XKR4: variants seen among roughly 807,000 people sequenced by gnomAD.
XKR4 encodes XK related 4, also known as XK-related protein 4.
Under a neutral mutation model 53.9 loss-of-function variants are expected in XKR4, and 12 were observed. The ratio of observed to expected loss-of-function variants is 0.22; its 90% CI spans 0.14 to 0.36. XKR4 has a LOEUF of 0.36. Ranked by LOEUF, XKR4 falls within the 10% of genes least tolerant of loss-of-function variation. XKR4 has a pLI of 1.00. For missense variants in XKR4, 799 were observed against 859.5 expected, an observed-to-expected ratio of 0.93 and a Z score of 0.88; for synonymous variants, 354 against 362.4, an observed-to-expected ratio of 0.98 and a Z score of 0.26.
At chr8:55,244,336 C>A (rs765293758) in intron 1 of XKR4, among the ~76,000 whole-genome samples, 1 of 152,136 alleles carries the variant, frequency 6.6e-6, no homozygotes. Context: ...TCTGTTACTG[C>A]GTTAGTTCAC....
At chr8:55,219,743 A>G (rs1433548594) in intron 1 of XKR4, among the ~76,000 whole-genome samples, 2 of 152,170 alleles carry the variant, frequency 1.3e-5, no homozygotes, top group African/African-American at 4.8e-5. Flanking sequence ...AAGCTATTGT[A>G]TAGATGTTTG....
intron 1 of XKR4, among the ~76,000 whole-genome samples, chr8:55,274,796 CT>C (rs1818741878): frequency 6.6e-6 from 1 of 152,084 alleles, no homozygotes; most frequent in Non-Finnish European, 1.5e-5. Context: ...ACTTAATCAC[CT>C]CTTCAGAGGC....
chr8:55,534,799 C>T lies in XKR4; in HGVS notation c.*10572C>T, dbSNP rs10504196. ...TTTTTTCAAAGAAAGATTTGAGCTA[C>T]GAGATAAGAATGAAGTTACCAGAAG... is the stretch of plus-strand genomic sequence containing the variant. On this transcript the variant is annotated 3_prime_UTR_variant, in exon 3 of 3. Coordinates refer to ENST00000327381, the MANE Select transcript of XKR4 (RefSeq NM_052898.2). 0.22 allele frequency: 31,927 copies of T among 148,428 alleles called. 4,067 individuals carry two copies. The highest frequency in any genetic ancestry group is 0.31 in the South Asian group (1,455 of 4,684). 9.2% of individuals were successfully genotyped at this position (148,428 alleles called of 1,614,324 possible).
intron 1 of XKR4, among the ~76,000 whole-genome samples, chr8:55,141,246 C>T (rs991580063): frequency 6.6e-6 from 1 of 152,156 alleles, no homozygotes; most frequent in African/African-American, 2.4e-5. Flanking sequence ...GCCTGGCTGT[C>T]GCAGGACCGC....
chr8:55,259,742 C>T (rs1289508067), intron 1 of XKR4, among the ~76,000 whole-genome samples: 1 of 152,054 alleles, frequency 6.6e-6, no homozygotes. Context: ...AGTGGAGAAC[C>T]GAAAGGCTTA....
intron 1 of XKR4, among the ~76,000 whole-genome samples, chr8:55,187,186 A>G (rs1817389766): frequency 6.6e-6 from 1 of 151,774 alleles, no homozygotes; most frequent in Admixed American, 6.6e-5. Context: ...CATGAATTTG[A>G]ATCACTTGCT....
intron 1 of XKR4, among the ~76,000 whole-genome samples, chr8:55,230,092 G>A (rs4302824): frequency 0.76 from 116,109 of 152,022 alleles, 47,535 homozygotes; most frequent in Non-Finnish European, 0.92. Flanking sequence ...TCTTCCCACT[G>A]AAGTTGATAC....
chr8:55,348,023 G>C (rs1339809902), intron 1 of XKR4, among the ~76,000 whole-genome samples: 1 of 152,046 alleles, frequency 6.6e-6, no homozygotes, highest in Non-Finnish European at 1.5e-5. Flanking sequence ...CTAGCCCCCA[G>C]CCTGGATTCC....
At chr8:55,154,109 T>C (rs1816875111) in intron 1 of XKR4, among the ~76,000 whole-genome samples, 3 of 152,218 alleles carry the variant, frequency 2.0e-5, no homozygotes, top group African/African-American at 7.2e-5. Context: ...GAAGATTGAA[T>C]TCCTCTCCCT....
In XKR4 at chr8:55,536,198, A is replaced by G. The variant is rs1807030315; in HGVS notation, c.*11971A>G. On this transcript the variant is annotated 3_prime_UTR_variant, in exon 3 of 3. Coordinates refer to ENST00000327381, the MANE Select transcript of XKR4 (RefSeq NM_052898.2). ...CTGTGTATCTGTTCCCAAACTGGAA[A>G]AAATAATTCTTGAGAGAATAATTTT... 2 of 152,238 alleles carry G rather than the reference A, an allele frequency of 1.3e-5. No homozygotes were observed. The highest frequency in any genetic ancestry group is 4.8e-5 in the African/African-American group (2 of 41,470). 9.4% of individuals were successfully genotyped at this position (152,238 alleles called of 1,614,324 possible).
At chr8:55,451,730 G>A (rs1343947375) in intron 2 of XKR4, 2 of 1,240,872 alleles carry the variant, frequency 1.6e-6, no homozygotes, top group African/African-American at 1.5e-5. Flanking sequence ...AGAGAAATGC[G>A]GAAGGATTCA....
Position 55,391,761 on chromosome 8 carries a change from A to G in XKR4, c.1006+33884A>G, listed in dbSNP as rs1804446026. Among the ~76,000 whole-genome samples the G allele has an allele frequency of 2.6e-5, 4 of 152,230 alleles. No individual in the cohort carries two copies. The South Asian group carries it at 8.3e-4, about 31-fold the overall frequency. On this transcript the variant is annotated intron_variant, in intron 2 of 2. Transcript: ENST00000327381. ...CTATACCTAAAATATTAAAATAAGC[A>G]TATGAATTTATCTATAGGCCAAGTT...
chr8:55,312,884 C>T (rs1354821284), intron 1 of XKR4, among the ~76,000 whole-genome samples: 1 of 152,036 alleles, frequency 6.6e-6, no homozygotes, highest in Non-Finnish European at 1.5e-5. Flanking sequence ...GAGACTGGAC[C>T]CAGGTTGTTG....
At chr8:55,458,557 G>T (rs986005947) in intron 2 of XKR4, among the ~76,000 whole-genome samples, 1 of 152,226 alleles carries the variant, frequency 6.6e-6, no homozygotes, top group African/African-American at 2.4e-5. Flanking sequence ...GAGTCAGGTT[G>T]CATGAATGAA....
intron 2 of XKR4, among the ~76,000 whole-genome samples, chr8:55,423,566 A>C (rs903319882): frequency 6.6e-6 from 1 of 152,140 alleles, no homozygotes; most frequent in Non-Finnish European, 1.5e-5. Flanking sequence ...TTTTCACATC[A>C]CTTTCTTTGG....
intron 1 of XKR4, among the ~76,000 whole-genome samples, chr8:55,203,655 C>T (rs1056864311): frequency 1.3e-5 from 2 of 152,102 alleles, no homozygotes; most frequent in African/African-American, 4.8e-5. Flanking sequence ...CCTGACTCAG[C>T]ACCACGTCCA....
chr8:55,457,374 C>T (rs1387379168), intron 2 of XKR4, among the ~76,000 whole-genome samples: 2 of 152,140 alleles, frequency 1.3e-5, no homozygotes, highest in Non-Finnish European at 2.9e-5. Context: ...AATCTCCTGA[C>T]CTTGTGATCT....
At chr8:55,241,042 T>C (rs979254815) in intron 1 of XKR4, among the ~76,000 whole-genome samples, 2 of 152,218 alleles carry the variant, frequency 1.3e-5, no homozygotes, top group Non-Finnish European at 2.9e-5. Context: ...ATTTTAAGAA[T>C]AAAGGCTTCA....
At chr8:55,511,508 C>A (rs1215605436) in intron 2 of XKR4, among the ~76,000 whole-genome samples, 1 of 152,092 alleles carries the variant, frequency 6.6e-6, no homozygotes, top group Admixed American at 6.5e-5. Context: ...CGGGAGGAAC[C>A]CCCACATATA....
Sources: gnomAD v4.1 joint callset for allele counts (sites outside exome capture counted in the v4.1 genomes callset) on GRCh38, gnomAD v4.1.1 for gene constraint, MANE v1.5 for transcripts, NCBI Gene and HGNC (gene_info 2026-07-23, HGNC 2026-07-21) for gene names.